HMCN1: variants seen among roughly 807,000 people sequenced by gnomAD.
HMCN1 encodes the protein hemicentin-1.
A neutral mutation model predicts 625.9 loss-of-function variants in HMCN1; 321 were observed. The ratio of observed to expected loss-of-function variants is 0.51; its 90% CI spans 0.47 to 0.56. HMCN1 has a LOEUF of 0.56. Ranked by LOEUF, HMCN1 falls within the 20% of genes least tolerant of loss-of-function variation. HMCN1 has a pLI of 0.00. For synonymous variants in HMCN1, 2,425 were observed against 2,417.6 expected (o/e 1.00, Z -0.09); for missense variants, 6,588 against 6,887.3 (o/e 0.96, Z 1.54).
At chr1:185,974,072 A>G (rs965498018) in intron 15 of HMCN1, among the ~76,000 whole-genome samples, 2 of 152,206 alleles carry the variant, frequency 1.3e-5, no homozygotes, top group African/African-American at 4.8e-5. Context: ...TTGCAGAATA[A>G]TGTGTGTACA....
chr1:185,905,840 A>C (rs546045289), intron 4 of HMCN1, among the ~76,000 whole-genome samples: 13 of 151,892 alleles, frequency 8.6e-5, no homozygotes, highest in African/African-American at 2.6e-4. Flanking sequence ...AGGTACGAGA[A>C]CTCTCAAATA....
intron 69 of HMCN1, 82 bp from the exon 70 acceptor site, chr1:186,106,802 T>C: frequency 1.0e-6 from 1 of 999,082 alleles, no homozygotes. Context: ...TGGGGTTATT[T>C]ACATTCATTC....
At chr1:186,180,501 C>T (rs1463375222) in intron 104 of HMCN1, among the ~76,000 whole-genome samples, 1 of 152,154 alleles carries the variant, frequency 6.6e-6, no homozygotes, top group Admixed American at 6.6e-5. Flanking sequence ...TCCAAATTAT[C>T]AGAAGGTCCA....
intron 1 of HMCN1, among the ~76,000 whole-genome samples, chr1:185,758,258 T>TA (rs1557945938): frequency 1.3e-5 from 2 of 152,302 alleles, no homozygotes; most frequent in South Asian, 4.1e-4. Flanking sequence ...ATATGACTTT[T>TA]AAAAAAATTA....
At chr1:186,003,576 GA>G (rs1344874806) in intron 28 of HMCN1, 141 bp from the exon 29 acceptor site, 6 of 759,016 alleles carry the variant, frequency 7.9e-6, no homozygotes, top group Admixed American at 2.0e-5. Flanking sequence ...GAAATGATAT[GA>G]AAAAGTATTG....
chr1:186,071,122 T>A (rs1658455562), intron 52 of HMCN1, among the ~76,000 whole-genome samples: 1 of 152,154 alleles, frequency 6.6e-6, no homozygotes, highest in Admixed American at 6.6e-5. Flanking sequence ...CTGTTGTTAT[T>A]TTGCAGTTTT....
intron 55 of HMCN1, among the ~76,000 whole-genome samples, chr1:186,079,101 G>T (rs1476142682): frequency 4.1e-5 from 1 of 24,602 alleles, no homozygotes. Flanking sequence ...GTGTTTAGCA[G>T]CTCTCTCATC....
chr1:185,962,431 G>C (rs866131147), intron 11 of HMCN1, 87 bp from the exon 12 acceptor site: 4 of 1,095,290 alleles, frequency 3.7e-6, no homozygotes, highest in South Asian at 2.5e-5. Context: ...ATGTGGTGGT[G>C]AGAAACCTAC....
At chr1:186,090,954 A>T (rs751778074) in intron 64 of HMCN1, 37 bp downstream of exon 64, 1 of 1,586,864 alleles carries the variant, frequency 6.3e-7, no homozygotes, top group East Asian at 2.2e-5. Context: ...ATAAATTGTA[A>T]GCCCTTCTAC....
At chr1:186,112,742 T>C (rs910469929) in intron 71 of HMCN1, 70 bp from the exon 72 acceptor site, 2 of 1,576,120 alleles carry the variant, frequency 1.3e-6, no homozygotes, top group African/African-American at 2.7e-5. Flanking sequence ...TTACTTTTGA[T>C]GCTGTGAAAT....
intron 35 of HMCN1, among the ~76,000 whole-genome samples, chr1:186,020,601 T>C (rs2102155425): frequency 6.6e-6 from 1 of 152,178 alleles, no homozygotes; most frequent in African/African-American, 2.4e-5. Context: ...CAAACCGTAA[T>C]GAATGATGCT....
chr1:185,915,681 C>G (rs1666661341), intron 6 of HMCN1, among the ~76,000 whole-genome samples: 1 of 151,968 alleles, frequency 6.6e-6, no homozygotes, highest in Non-Finnish European at 1.5e-5. Flanking sequence ...CTACTAATGC[C>G]TTTTCTACTG....
At chr1:186,070,811 A>T in intron 52 of HMCN1, 54 bp downstream of exon 52, 1 of 1,538,896 alleles carries the variant, frequency 6.5e-7, no homozygotes, top group Non-Finnish European at 9.0e-7. Flanking sequence ...TAAAATGGTC[A>T]ATTGAAAAGA....
At chr1:186,147,712 G>T (rs915789185) in intron 93 of HMCN1, among the ~76,000 whole-genome samples, 9 of 152,110 alleles carry the variant, frequency 5.9e-5, no homozygotes, top group Non-Finnish European at 1.3e-4. Context: ...ACACTATTCT[G>T]TAGTACTATT....
intron 1 of HMCN1, among the ~76,000 whole-genome samples, chr1:185,797,965 CAAAAAA>C (rs35031310): frequency 5.9e-4 from 8 of 13,668 alleles, no homozygotes; most frequent in African/African-American, 1.3e-3. Flanking sequence ...GACTCCGTCT[CAAAAAA>C]AAAAAAAAAA....
At chr1:186,045,221 C>G (rs188617988) in intron 40 of HMCN1, among the ~76,000 whole-genome samples, 41 of 152,244 alleles carry the variant, frequency 2.7e-4, no homozygotes, top group Admixed American at 1.3e-3. Context: ...TTGCACGCTG[C>G]GAGATGGGAC....
chr1:186,001,519 A>G, intron 27 of HMCN1, 75 bp from the exon 28 acceptor site: 1 of 1,600,080 alleles, frequency 6.2e-7, no homozygotes, highest in Non-Finnish European at 8.6e-7. Context: ...TAATAATATA[A>G]ACATTCTACT....
At chr1:185,803,948 C>G (rs575995266) in intron 1 of HMCN1, among the ~76,000 whole-genome samples, 4 of 152,070 alleles carry the variant, frequency 2.6e-5, no homozygotes, top group Non-Finnish European at 5.9e-5. Flanking sequence ...CTTGGATCCT[C>G]TAGTTATCTG....
At position 186,088,695 on chromosome 1, in the gene HMCN1, A is replaced by T. The variant is rs1284498665; in HGVS notation, c.9667A>T (p.Thr3223Ser). 1.2e-6 allele frequency: 2 copies of T among 1,611,552 alleles called. No homozygotes were observed. Among genetic ancestry groups the T allele is most frequent in the Admixed American group, 1.7e-5 (1 of 59,722 alleles). The change falls in exon 63 of 107, where the codon ACA becomes TCA. Residue 3223 changes from threonine (T) to serine (S), a missense_variant. Physicochemically the swap from Thr to Ser is moderately conservative, Grantham distance 58. This residue lies in a region of HMCN1 where 4,628 missense variants were observed against 4,853.1 expected (regional missense o/e 0.95). Transcript: ENST00000271588. ...TCAGCATTCAGATAGTGGAAACTAT[A>T]CATGTATTGCTTCAAATATGGAGGG... ...RSQHSDSGNYTCIASNMEGKA... is the reference protein window; with the variant it reads ...RSQHSDSGNYSCIASNMEGKA...
Sources: allele counts gnomAD v4.1 joint callset (sites outside exome capture counted in the v4.1 genomes callset), GRCh38; gene constraint gnomAD v4.1.1; regional missense constraint gnomAD v4.1.1; transcripts MANE v1.5; gene names NCBI Gene and HGNC (gene_info 2026-07-23, HGNC 2026-07-21).